NUBPL: variants seen among roughly 807,000 people sequenced by gnomAD.
NUBPL encodes the protein iron-sulfur cluster transfer protein NUBPL.
In NUBPL, 31 loss-of-function variants were observed where a neutral mutation model predicts 45.7. The ratio of observed to expected loss-of-function variants is 0.68; its 90% CI spans 0.51 to 0.92. The LOEUF is 0.92. Among genes scored for constraint, NUBPL ranks in the 40% least tolerant of loss-of-function variants. The probability of loss-of-function intolerance (pLI) is 0.00; values close to 1 mark genes in which losing one functional copy is unlikely to be tolerated. For missense variants in NUBPL, 401 were observed against 398.7 expected (o/e 1.01, Z -0.05); for synonymous variants, 144 against 140.9 (o/e 1.02, Z -0.15).
At chr14:31,736,308 C>T (rs1017574229) in intron 6 of NUBPL, among the ~76,000 whole-genome samples, 6 of 152,074 alleles carry the variant, frequency 3.9e-5, no homozygotes, top group Non-Finnish European at 7.3e-5. Context: ...AAATATTGTG[C>T]ACACCTGAAT....
chr14:31,687,443 C>T (rs1456316728), intron 6 of NUBPL, among the ~76,000 whole-genome samples: 2 of 152,158 alleles, frequency 1.3e-5, no homozygotes, highest in East Asian at 1.9e-4. Context: ...ACAAAACTTA[C>T]ACACTGTGCA....
chr14:31,713,561 C>T (rs923945711), intron 6 of NUBPL, among the ~76,000 whole-genome samples: 17 of 152,210 alleles, frequency 1.1e-4, no homozygotes, highest in Admixed American at 4.6e-4. Context: ...TCTATTCTTA[C>T]GCTTGGGCTG....
chr14:31,630,973 C>T (rs1471171408), intron 4 of NUBPL, among the ~76,000 whole-genome samples: 1 of 152,130 alleles, frequency 6.6e-6, no homozygotes. Flanking sequence ...CAGTATTCTG[C>T]TCCATAAATT....
At chr14:31,705,748 A>G (rs539686958) in intron 6 of NUBPL, among the ~76,000 whole-genome samples, 2 of 152,292 alleles carry the variant, frequency 1.3e-5, no homozygotes, top group African/African-American at 2.4e-5. Flanking sequence ...CCAGGTCCCC[A>G]CCTGACCCAG....
intron 6 of NUBPL, among the ~76,000 whole-genome samples, chr14:31,697,908 C>T (rs1019758744): frequency 1.4e-4 from 21 of 152,024 alleles, no homozygotes; most frequent in South Asian, 2.1e-4. Flanking sequence ...TTGGTGCAGT[C>T]GGGGATCATG....
At position 31,790,464 on chromosome 14, in the gene NUBPL, G is replaced by A. The variant is rs1047786441; in HGVS notation, c.607+2591G>A. On this transcript the variant is annotated intron_variant, in intron 7 of 10. Coordinates refer to ENST00000281081, the MANE Select transcript of NUBPL (RefSeq NM_025152.3). ...GTGAAATGTGCAGAGCAGTTAAGTA[G>A]TACTAATAATATATTGGCATTGTTG... 1.6e-4 allele frequency among the ~76,000 whole-genome samples: 24 copies of A among 152,188 alleles called. No homozygotes were observed. In the East Asian group the frequency reaches 4.2e-3, roughly 27 times the overall value.
rs148456425 is a variant in NUBPL at position 31,777,321 on chromosome 14, T to G, written c.514-10459T>G. 6.5e-3 allele frequency among the ~76,000 whole-genome samples: 993 copies of G among 152,316 alleles called. 12 individuals are homozygous for G. Among genetic ancestry groups the G allele is most frequent in the African/African-American group, 0.022 (930 of 41,578 alleles). ...ACCTGCTCCAGGTCCATCTGGTCCC[T>G]TGTAGAGATCCTTGAGGCAGGGCAG... On this transcript the variant is annotated intron_variant, in intron 6 of 10. Coordinates refer to ENST00000281081, the MANE Select transcript of NUBPL (RefSeq NM_025152.3).
intron 6 of NUBPL, among the ~76,000 whole-genome samples, chr14:31,726,403 G>T (rs1405287781): frequency 6.6e-6 from 1 of 152,278 alleles, no homozygotes; most frequent in Admixed American, 6.5e-5. Context: ...GAAAACTACT[G>T]GGAAGGTTAT....
At chr14:31,808,314 A>T (rs2039730716) in intron 7 of NUBPL, among the ~76,000 whole-genome samples, 1 of 152,096 alleles carries the variant, frequency 6.6e-6, no homozygotes, top group African/African-American at 2.4e-5. Context: ...AGTGGTTTGT[A>T]GTTCTCCTTG....
At chr14:31,584,278 C>T (rs1209732244) in intron 3 of NUBPL, among the ~76,000 whole-genome samples, 1 of 152,134 alleles carries the variant, frequency 6.6e-6, no homozygotes, top group East Asian at 1.9e-4. Flanking sequence ...GCATGTGCCA[C>T]CACTCCCGGC....
chr14:31,571,083 C>T (rs1314535441), intron 3 of NUBPL, among the ~76,000 whole-genome samples: 2 of 152,190 alleles, frequency 1.3e-5, no homozygotes, highest in Non-Finnish European at 2.9e-5. Context: ...GGGTTACTTG[C>T]CAAAGCCAGT....
chr14:31,784,027 C>T (rs1488010973), intron 6 of NUBPL, among the ~76,000 whole-genome samples: 1 of 151,896 alleles, frequency 6.6e-6, no homozygotes, highest in Non-Finnish European at 1.5e-5. Flanking sequence ...GTTTTGTCAA[C>T]CTGAAGTAAT....
At chr14:31,708,989 G>C (rs923110248) in intron 6 of NUBPL, among the ~76,000 whole-genome samples, 13 of 152,258 alleles carry the variant, frequency 8.5e-5, no homozygotes, top group African/African-American at 3.1e-4. Context: ...TGTCCTCTCT[G>C]AACCACCAAG....
intron 7 of NUBPL, among the ~76,000 whole-genome samples, chr14:31,790,922 CTTAAT>C (rs2039369895): frequency 6.6e-6 from 1 of 152,014 alleles, no homozygotes; most frequent in South Asian, 2.1e-4. Flanking sequence ...AACCACTATT[CTTAAT>C]TTATTTTTTA....
chr14:31,748,572 A>G (rs758597941), intron 6 of NUBPL, among the ~76,000 whole-genome samples: 4 of 149,276 alleles, frequency 2.7e-5, no homozygotes, highest in Non-Finnish European at 5.9e-5. Flanking sequence ...TTTTTTTAAA[A>G]GTCAATTTAA....
chr14:31,577,169 T>G (rs1275215543), intron 3 of NUBPL, among the ~76,000 whole-genome samples: 1 of 152,190 alleles, frequency 6.6e-6, no homozygotes, highest in African/African-American at 2.4e-5. Context: ...TTCATCTCTT[T>G]CATCTCACCC....
At chr14:31,621,034 C>T (rs781603544) in intron 4 of NUBPL, among the ~76,000 whole-genome samples, 21 of 152,206 alleles carry the variant, frequency 1.4e-4, no homozygotes, top group Admixed American at 5.9e-4. Flanking sequence ...TGCTGAGCTG[C>T]GGTGGGCTCC....
chr14:31,562,791 G>T (rs2033333578), intron 2 of NUBPL: 2 of 152,404 alleles, frequency 1.3e-5, no homozygotes, highest in Non-Finnish European at 2.9e-5. Flanking sequence ...TGTATTTTTA[G>T]TAGAGACGGG....
chr14:31,781,495 C>T (rs967691348), intron 6 of NUBPL, among the ~76,000 whole-genome samples: 2 of 152,122 alleles, frequency 1.3e-5, no homozygotes, highest in Non-Finnish European at 2.9e-5. Flanking sequence ...AGACAGTTCT[C>T]AGGAAGAAAT....
Sources: gnomAD v4.1 joint callset for allele counts (sites outside exome capture counted in the v4.1 genomes callset) on GRCh38, gnomAD v4.1.1 for gene constraint, MANE v1.5 for transcripts, NCBI Gene and HGNC (gene_info 2026-07-23, HGNC 2026-07-21) for gene names.